CACNA1C: variants seen among roughly 807,000 people sequenced by gnomAD.
CACNA1C encodes the protein calcium voltage-gated channel subunit alpha1 C, also known as voltage-dependent L-type calcium channel subunit alpha-1C.
A neutral mutation model predicts 229.0 loss-of-function variants in CACNA1C; 30 were observed. That is an observed-to-expected ratio of 0.13 (90% CI 0.10 to 0.18). The LOEUF (loss-of-function observed/expected upper bound fraction) is 0.18, where lower values mean the gene tolerates loss of function less well. Ranked by LOEUF, CACNA1C falls within the 10% of genes least tolerant of loss-of-function variation. The probability of loss-of-function intolerance (pLI) is 1.00; values close to 1 mark genes in which losing one functional copy is unlikely to be tolerated. For synonymous variants in CACNA1C, 1,114 were observed against 1,132.5 expected, an observed-to-expected ratio of 0.98 and a Z score of 0.33; for missense variants, 1,658 against 2,845.0, an observed-to-expected ratio of 0.58 and a Z score of 9.49.
At chr12:2,050,259 T>G (rs1428235134), upstream of CACNA1C, among the ~76,000 whole-genome samples, 1 of 152,226 alleles carries the variant, frequency 6.6e-6, no homozygotes, top group East Asian at 1.9e-4. Flanking sequence ...GTGTCAGATA[T>G]GCCTGGGCTA....
intron 4 of CACNA1C, among the ~76,000 whole-genome samples, chr12:2,451,297 T>G (rs1279102121): frequency 6.6e-6 from 1 of 152,188 alleles, no homozygotes. Flanking sequence ...TGCCCCTAAA[T>G]CCTTTTTAGA....
chr12:2,659,047 A>G (rs1017753208), intron 34 of CACNA1C, among the ~76,000 whole-genome samples: 7 of 152,166 alleles, frequency 4.6e-5, no homozygotes, highest in African/African-American at 1.7e-4. Context: ...GAAGAAAGAA[A>G]AGTACTTTTT....
intron 3 of CACNA1C, among the ~76,000 whole-genome samples, chr12:2,125,457 A>G (rs2089618891): frequency 6.6e-6 from 1 of 152,104 alleles, no homozygotes; most frequent in Non-Finnish European, 1.5e-5. Context: ...GTACCCCGAA[A>G]ATGAAGCTTG....
chr12:2,149,468 T>G (rs1379276481), intron 3 of CACNA1C, among the ~76,000 whole-genome samples: 2 of 152,138 alleles, frequency 1.3e-5, no homozygotes, highest in Non-Finnish European at 2.9e-5. Context: ...AAAGCTGGAG[T>G]TTAGGAAAAT....
At chr12:2,360,778 G>A (rs540816968) in intron 3 of CACNA1C, among the ~76,000 whole-genome samples, 2 of 146,426 alleles carry the variant, frequency 1.4e-5, no homozygotes, top group East Asian at 2.0e-4. Context: ...TGCAATGCTC[G>A]AAGAGTATAA....
At chr12:2,572,482 TTC>T (rs2055875941) in intron 13 of CACNA1C, among the ~76,000 whole-genome samples, 1 of 43,696 alleles carries the variant, frequency 2.3e-5, no homozygotes, top group Non-Finnish European at 3.9e-5. Context: ...CCTTCTCCTC[TTC>T]CTCCTCCTCC....
At chr12:2,125,285 A>G (rs2089532581) in intron 3 of CACNA1C, among the ~76,000 whole-genome samples, 1 of 148,778 alleles carries the variant, frequency 6.7e-6, no homozygotes, top group Non-Finnish European at 1.5e-5. Flanking sequence ...CTGACTGAGA[A>G]GAGCTGAGCT....
chr12:2,156,026 A>T (rs1039648643), intron 3 of CACNA1C, among the ~76,000 whole-genome samples: 5 of 152,226 alleles, frequency 3.3e-5, no homozygotes, highest in African/African-American at 1.2e-4. Context: ...ACACAAGAAC[A>T]AGAGTGAATC....
At position 2,512,541 on chromosome 12, in the gene CACNA1C, A is replaced by T. The variant is rs190557205; in HGVS notation, c.1218-271A>T. On this transcript the variant is annotated intron_variant, in intron 8 of 46. Coordinates refer to ENST00000399655, the MANE Select transcript of CACNA1C (RefSeq NM_000719.7). The surrounding 1 kb of genome is among the most constrained non-coding windows in gnomAD (Gnocchi z 4.3). The stretch of plus-strand genomic sequence containing the variant: ...GATCATGATCCAGGAAAAGAGGGAG[A>T]TGGACTTCATCCATCCCCTTAAGCC... Among the ~76,000 whole-genome samples, 163 of 152,154 alleles carry T rather than the reference A, an allele frequency of 1.1e-3. 2 individuals carry two copies. The highest frequency in any genetic ancestry group is 3.8e-3 in the African/African-American group (156 of 41,510).
chr12:2,371,722 G>C (rs1567296778), intron 3 of CACNA1C, among the ~76,000 whole-genome samples: 4 of 86,700 alleles, frequency 4.6e-5, no homozygotes, highest in African/African-American at 1.4e-4. Flanking sequence ...AATGACATAT[G>C]GCTTTTTTTT....
rs2094991307 is a variant in CACNA1C at position 2,306,069 on chromosome 12, G to A, written c.478-142907G>A. Among the ~76,000 whole-genome samples the A allele has an allele frequency of 3.3e-5, 5 of 152,228 alleles. No homozygotes were observed. The South Asian group carries it at 1.0e-3, about 32-fold the overall frequency. ...ATGCAGCTGAGGGTAGTGGAGCCAG[G>A]ATTTGAGCCCAGGCAGCCTCACTGC... On this transcript the variant is annotated intron_variant, in intron 3 of 46. Coordinates refer to ENST00000399655, the MANE Select transcript of CACNA1C (RefSeq NM_000719.7).
At chr12:1,996,617 A>G (rs2470399) in intron 1 of CACNA1C, among the ~76,000 whole-genome samples, 1 of 59,804 alleles carries the variant, frequency 1.7e-5, no homozygotes, top group Non-Finnish European at 3.1e-5. Context: ...CTGATGAGCT[A>G]AAAAAAAAAA....
At chr12:2,616,715 CT>C (rs2080813341) in intron 29 of CACNA1C, among the ~76,000 whole-genome samples, 2 of 152,240 alleles carry the variant, frequency 1.3e-5, no homozygotes, top group South Asian at 4.1e-4. Context: ...TGACAGAAAT[CT>C]AACAGCCGTG....
chr12:2,634,550 T>G (rs1435152411), intron 30 of CACNA1C, among the ~76,000 whole-genome samples, 170 bp downstream of exon 30: 2 of 146,690 alleles, frequency 1.4e-5, no homozygotes, highest in Admixed American at 1.4e-4. Context: ...TGCTTTATTT[T>G]GAAATCTTTT....
intron 3 of CACNA1C, among the ~76,000 whole-genome samples, chr12:2,399,507 C>T (rs2098645091): frequency 6.6e-6 from 1 of 152,202 alleles, no homozygotes; most frequent in Non-Finnish European, 1.5e-5. Flanking sequence ...CATCCTCAGC[C>T]AAATTCCTGT....
chr12:2,457,430 G>C (rs996218733), intron 4 of CACNA1C, 137 bp from the exon 5 acceptor site: 6 of 808,292 alleles, frequency 7.4e-6, no homozygotes, highest in African/African-American at 1.8e-5. Context: ...CAGACTCCAC[G>C]CACACCCACA....
chr12:2,221,862 C>G (rs558056415), intron 3 of CACNA1C, among the ~76,000 whole-genome samples: 74 of 152,270 alleles, frequency 4.9e-4, no homozygotes, highest in African/African-American at 1.6e-3. Flanking sequence ...TGTAGCCATT[C>G]AAATGATAAC....
intron 7 of CACNA1C, among the ~76,000 whole-genome samples, chr12:2,502,586 A>G (rs180860826): frequency 1.3e-5 from 2 of 152,310 alleles, no homozygotes; most frequent in Admixed American, 6.5e-5. Context: ...CACTATGCAC[A>G]ATGATTATGT....
intron 2 of CACNA1C, among the ~76,000 whole-genome samples, chr12:2,117,071 C>A (rs2084245303): frequency 6.6e-6 from 1 of 152,158 alleles, no homozygotes; most frequent in Non-Finnish European, 1.5e-5. Flanking sequence ...GAGTTCGAGA[C>A]CAGCCTGGCC....
Sources: gnomAD v4.1 joint callset for allele counts (sites outside exome capture counted in the v4.1 genomes callset) on GRCh38, gnomAD v4.1.1 for gene constraint, Gnocchi (gnomAD v3.1) non-coding constraint, MANE v1.5 for transcripts, NCBI Gene and HGNC (gene_info 2026-07-23, HGNC 2026-07-21) for gene names.